CCDC85A: variants seen among roughly 807,000 people sequenced by gnomAD.
The protein encoded by CCDC85A is coiled-coil domain containing 85A.
In CCDC85A, 38 loss-of-function variants were observed where a neutral mutation model predicts 50.2. The ratio of observed to expected loss-of-function variants is 0.76; its 90% CI spans 0.58 to 0.99. The LOEUF (loss-of-function observed/expected upper bound fraction) is 0.99, where lower values mean the gene tolerates loss of function less well. Among genes scored for constraint, CCDC85A ranks in the 50% least tolerant of loss-of-function variants. The probability of loss-of-function intolerance (pLI) is 0.00; values close to 1 mark genes in which losing one functional copy is unlikely to be tolerated. For missense variants in CCDC85A, 820 were observed against 742.0 expected (o/e 1.11, Z -1.22); for synonymous variants, 366 against 301.4 (o/e 1.21, Z -2.22).
At position 56,384,344 on chromosome 2, in the gene CCDC85A, G is replaced by T. The variant is rs373629904; in HGVS notation, c.1651G>T (p.Gly551Ter). The change falls in exon 6 of 6, where the codon GGA (glycine) becomes TGA (stop). Residue 551 changes from glycine (G) to a stop codon, truncating the protein, a stop_gained. Coordinates refer to ENST00000407595, the MANE Select transcript of CCDC85A (RefSeq NM_001080433.2). LOFTEE classifies it high-confidence loss of function. ...RQHLSGNQYK[G>*]PM Reference sequence around the variant, plus strand: ...ACATTTGTCAGGAAACCAGTACAAAGGACCAATGTGAGATGCACTCTTTTT... The same window carrying T: ...ACATTTGTCAGGAAACCAGTACAAATGACCAATGTGAGATGCACTCTTTTT... 1 of 1,610,932 alleles carries T rather than the reference G, an allele frequency of 6.2e-7. No individual in the cohort carries two copies. The highest frequency in any genetic ancestry group is 1.7e-4 in the Middle Eastern group (1 of 6,052).
chr2:56,367,164 A>G (rs1030876522), intron 3 of CCDC85A, among the ~76,000 whole-genome samples: 4 of 152,142 alleles, frequency 2.6e-5, no homozygotes, highest in Non-Finnish European at 5.9e-5. Flanking sequence ...TAGGTACTGT[A>G]GCATACTATA....
rs375380521 is a variant in CCDC85A at position 56,384,301 on chromosome 2, G to C, written c.1608G>C (p.Ser536=). 5.6e-6 allele frequency: 9 copies of C among 1,610,516 alleles called. No individual in the cohort carries two copies. Among genetic ancestry groups the C allele is most frequent in the Admixed American group, 3.4e-5 (2 of 59,694 alleles). Residue 536 remains serine (S), a synonymous_variant, in exon 6 of 6, where the codon TCG becomes TCC. Coordinates refer to ENST00000407595, the MANE Select transcript of CCDC85A (RefSeq NM_001080433.2). ...VWRKLGDAAG[S]CPGIRQHLSG... ...GGAAACTTGGAGATGCTGCAGGTTCGTGTCCTGGAATTAGGCAACATTTGT... is the reference window on the plus strand; with the variant it reads ...GGAAACTTGGAGATGCTGCAGGTTCCTGTCCTGGAATTAGGCAACATTTGT...
intron 2 of CCDC85A, among the ~76,000 whole-genome samples, chr2:56,226,003 A>G (rs1426364247): frequency 6.6e-6 from 1 of 152,226 alleles, no homozygotes; most frequent in Non-Finnish European, 1.5e-5. Flanking sequence ...ATTGGAATAT[A>G]TGGAGAGGAC....
In CCDC85A at chr2:56,342,933, A is replaced by T; in HGVS notation, c.1295A>T (p.Glu432Val). The T allele has an allele frequency of 6.3e-7, 1 of 1,597,866 alleles. No individual in the cohort carries two copies. The highest frequency in any genetic ancestry group is 8.5e-7 in the Non-Finnish European group (1 of 1,171,292). ...QLEARVRQLE[E>V]ENRMLPQASQ... The stretch of plus-strand genomic sequence containing the variant: ...GAGGCAAGAGTAAGACAGCTGGAGG[A>T]AGAAAATCGCATGCTGCCCCAGGTG... The change falls in exon 3 of 6, where the codon GAA (glutamate) becomes GTA (valine). Residue 432 changes from glutamate (E) to valine (V), a missense_variant. Glu to Val is a moderately radical substitution (Grantham distance 121). Transcript: ENST00000407595.
intron 3 of CCDC85A, 81 bp downstream of exon 3, chr2:56,343,036 C>T (rs889014657): frequency 2.4e-5 from 23 of 961,460 alleles, no homozygotes; most frequent in African/African-American, 4.9e-5. Flanking sequence ...AGCTCAATGA[C>T]GTTTTGTCTT....
At chr2:56,217,606 A>G (rs576967518) in intron 2 of CCDC85A, among the ~76,000 whole-genome samples, 2 of 151,946 alleles carry the variant, frequency 1.3e-5, no homozygotes, top group South Asian at 4.2e-4. Flanking sequence ...ATATATGTTG[A>G]TGTCATGTAA....
In CCDC85A at chr2:56,331,403, T is replaced by A. The variant is rs548274611; in HGVS notation, c.1241-11476T>A. 9.8e-5 allele frequency among the ~76,000 whole-genome samples: 15 copies of A among 152,296 alleles called. No homozygotes were observed. The East Asian group carries it at 1.5e-3, about 16-fold the overall frequency. Reference sequence around the variant, plus strand: ...ATGTATCCCAGAATTAAAATAAAATTAAATTAAAAACAAATTACTTAATGG... The same window carrying A: ...ATGTATCCCAGAATTAAAATAAAATAAAATTAAAAACAAATTACTTAATGG... On this transcript the variant is annotated intron_variant, in intron 2 of 5. Transcript: ENST00000407595.
At position 56,184,502 on chromosome 2, in the gene CCDC85A, G is replaced by A; in HGVS notation, c.-123G>A. On this transcript the variant is annotated 5_prime_UTR_variant, in exon 1 of 6. Coordinates refer to ENST00000407595, the MANE Select transcript of CCDC85A (RefSeq NM_001080433.2). ...CCGCCGCCCCAACCCAGCGGCCCCT[G>A]GGCGGTGCCGCTGACTCGCCGGAGC... 9.0e-7 allele frequency: 1 copy of A among 1,105,838 alleles called. No homozygotes were observed. The highest frequency in any genetic ancestry group is 3.5e-5 in the South Asian group (1 of 28,448). 68.5% of individuals were successfully genotyped at this position (1,105,838 alleles called of 1,614,324 possible).
chr2:56,240,036 C>A (rs750794516), intron 2 of CCDC85A, among the ~76,000 whole-genome samples: 1 of 151,968 alleles, frequency 6.6e-6, no homozygotes, highest in Non-Finnish European at 1.5e-5. Context: ...ATGCATATAT[C>A]CTAAAATTCA....
chr2:56,186,789 T>G (rs973613512), intron 1 of CCDC85A, among the ~76,000 whole-genome samples: 7 of 152,148 alleles, frequency 4.6e-5, no homozygotes, highest in Non-Finnish European at 7.3e-5. Flanking sequence ...TGCCTGGGCT[T>G]CATTCCAGTA....
At chr2:56,193,603 TCTC>T (rs1676411493) in intron 2 of CCDC85A, among the ~76,000 whole-genome samples, 163 bp downstream of exon 2, 1 of 152,154 alleles carries the variant, frequency 6.6e-6, no homozygotes, top group South Asian at 2.1e-4. Context: ...ATGGGGTTCT[TCTC>T]CTCCATCTGT....
At chr2:56,271,415 A>G (rs572436764) in intron 2 of CCDC85A, among the ~76,000 whole-genome samples, 2 of 152,192 alleles carry the variant, frequency 1.3e-5, no homozygotes, top group South Asian at 4.2e-4. Context: ...AAGCAGGAGA[A>G]CTAACTGGAG....
chr2:56,324,630 C>A (rs1018557239), intron 2 of CCDC85A, among the ~76,000 whole-genome samples: 2 of 152,018 alleles, frequency 1.3e-5, no homozygotes, highest in African/African-American at 4.8e-5. Flanking sequence ...TTAATGTGTT[C>A]TAAAGGGGAA....
intron 2 of CCDC85A, among the ~76,000 whole-genome samples, chr2:56,199,729 G>T (rs1309734122): frequency 6.6e-6 from 1 of 152,190 alleles, no homozygotes; most frequent in Non-Finnish European, 1.5e-5. Flanking sequence ...CATAGCTTGG[G>T]AATGCAGATA....
chr2:56,291,919 C>T (rs1671728314), intron 2 of CCDC85A, among the ~76,000 whole-genome samples: 1 of 151,886 alleles, frequency 6.6e-6, no homozygotes, highest in South Asian at 2.1e-4. Context: ...GGTGCAGGCC[C>T]AGGTGAGAGA....
At chr2:56,290,866 G>A (rs552466500) in intron 2 of CCDC85A, among the ~76,000 whole-genome samples, 2 of 152,228 alleles carry the variant, frequency 1.3e-5, no homozygotes, top group South Asian at 4.1e-4. Flanking sequence ...CACGAGCTTG[G>A]AAAATCTTGG....
chr2:56,289,286 A>G (rs948477254), intron 2 of CCDC85A, among the ~76,000 whole-genome samples: 1 of 152,138 alleles, frequency 6.6e-6, no homozygotes, highest in Non-Finnish European at 1.5e-5. Flanking sequence ...ATTCAGTATG[A>G]CAGACATGGG....
chr2:56,368,646 G>A (rs376054705), intron 3 of CCDC85A, among the ~76,000 whole-genome samples: 1 of 152,142 alleles, frequency 6.6e-6, no homozygotes, highest in East Asian at 1.9e-4. Flanking sequence ...TCAGGCTTCC[G>A]TAGTTGGCCT....
At chr2:56,330,908 A>G (rs1673757021) in intron 2 of CCDC85A, among the ~76,000 whole-genome samples, 1 of 152,208 alleles carries the variant, frequency 6.6e-6, no homozygotes. Flanking sequence ...TCATATCAAA[A>G]AGGTACCTGC....
Sources: gnomAD v4.1 joint callset for allele counts (sites outside exome capture counted in the v4.1 genomes callset) on GRCh38, gnomAD v4.1.1 for gene constraint, MANE v1.5 for transcripts, NCBI Gene and HGNC (gene_info 2026-07-23, HGNC 2026-07-21) for gene names.